TAFA2: variants seen among roughly 807,000 people sequenced by gnomAD.
TAFA2 encodes TAFA chemokine like family member 2.
A neutral mutation model predicts 18.8 loss-of-function variants in TAFA2; 7 were observed. That is an observed-to-expected ratio of 0.37 (90% CI 0.21 to 0.70). The LOEUF is 0.70. TAFA2 is among the 30% of genes least tolerant of loss of function. TAFA2 has a pLI of 0.53. For missense variants in TAFA2, 122 were observed against 158.1 expected, an observed-to-expected ratio of 0.77 and a Z score of 1.23; for synonymous variants, 60 against 54.2, an observed-to-expected ratio of 1.11 and a Z score of -0.47.
intron 1 of TAFA2, among the ~76,000 whole-genome samples, chr12:61,919,902 G>A (rs1876981270): frequency 1.3e-5 from 2 of 151,906 alleles, no homozygotes; most frequent in Admixed American, 1.3e-4. Context: ...CCTAATTCAG[G>A]CAAATGCATT....
intron 1 of TAFA2, among the ~76,000 whole-genome samples, chr12:61,969,319 A>G (rs1879167701): frequency 6.6e-6 from 1 of 151,760 alleles, no homozygotes; most frequent in Non-Finnish European, 1.5e-5. Flanking sequence ...GAAGACTATT[A>G]TTCATTAGTG....
intron 1 of TAFA2, among the ~76,000 whole-genome samples, chr12:62,176,379 C>A (rs1338111299): frequency 1.3e-5 from 2 of 152,104 alleles, no homozygotes; most frequent in Non-Finnish European, 2.9e-5. Context: ...GAGTTCTGCA[C>A]CAGAACTGCT....
chr12:62,087,406 G>A (rs776053183), intron 1 of TAFA2, among the ~76,000 whole-genome samples: 2 of 152,146 alleles, frequency 1.3e-5, no homozygotes, highest in Non-Finnish European at 2.9e-5. Context: ...ACTGGAAGAA[G>A]CCCGAAAACT....
chr12:61,729,391 C>G (rs552999572), intron 4 of TAFA2, among the ~76,000 whole-genome samples: 81 of 151,872 alleles, frequency 5.3e-4, no homozygotes, highest in South Asian at 3.5e-3. Flanking sequence ...AACATAATCT[C>G]AAACTTCTTG....
At chr12:61,849,241 C>T (rs1423914535) in intron 2 of TAFA2, among the ~76,000 whole-genome samples, 1 of 152,190 alleles carries the variant, frequency 6.6e-6, no homozygotes. Flanking sequence ...TCCTATTTTA[C>T]AGATAAACTA....
intron 1 of TAFA2, among the ~76,000 whole-genome samples, chr12:61,994,959 T>C (rs972529494): frequency 2.0e-5 from 3 of 152,170 alleles, no homozygotes; most frequent in Non-Finnish European, 4.4e-5. Flanking sequence ...ACCATCCTTT[T>C]TACTAGCCTA....
chr12:61,879,626 T>G (rs2121266026), intron 1 of TAFA2: 1 of 823,600 alleles, frequency 1.2e-6, no homozygotes, highest in Non-Finnish European at 2.1e-6. Context: ...TCAAAACAAG[T>G]TTGCCTCCTT....
intron 1 of TAFA2, among the ~76,000 whole-genome samples, chr12:62,103,925 C>T (rs1192441429): frequency 1.3e-5 from 2 of 152,132 alleles, no homozygotes; most frequent in African/African-American, 2.4e-5. Flanking sequence ...AAACTCCATC[C>T]TCCTCTAACC....
intron 2 of TAFA2, among the ~76,000 whole-genome samples, chr12:61,773,231 C>A (rs1167722575): frequency 6.6e-6 from 1 of 151,892 alleles, no homozygotes; most frequent in African/African-American, 2.4e-5. Flanking sequence ...GAGAACATAT[C>A]CCATGCTCAT....
At chr12:61,735,408 A>T (rs1868288295) in intron 4 of TAFA2, among the ~76,000 whole-genome samples, 1 of 152,106 alleles carries the variant, frequency 6.6e-6, no homozygotes, top group African/African-American at 2.4e-5. Context: ...TAATTGACAC[A>T]TAATAATTGT....
At chr12:62,218,320 A>T (rs1002233981) in intron 1 of TAFA2, among the ~76,000 whole-genome samples, 1 of 152,070 alleles carries the variant, frequency 6.6e-6, no homozygotes, top group Non-Finnish European at 1.5e-5. Flanking sequence ...GTAAAGAAAA[A>T]ACAGTGGAAG....
chr12:61,983,600 G>A (rs991442446), intron 1 of TAFA2, among the ~76,000 whole-genome samples: 1 of 152,042 alleles, frequency 6.6e-6, no homozygotes, highest in Non-Finnish European at 1.5e-5. Flanking sequence ...TACAGACGGG[G>A]TTTCACTGTG....
intron 1 of TAFA2, among the ~76,000 whole-genome samples, chr12:62,256,758 C>G (rs2062941079): frequency 6.6e-6 from 1 of 152,136 alleles, no homozygotes; most frequent in African/African-American, 2.4e-5. Context: ...AAAAGTGCCT[C>G]GTGGCACTTA....
intron 1 of TAFA2, among the ~76,000 whole-genome samples, chr12:62,165,935 TCTCTCACACA>T (rs2062435757): frequency 8.3e-6 from 1 of 120,312 alleles, no homozygotes; most frequent in African/African-American, 3.3e-5. Flanking sequence ...TCTCTCTCTC[TCTCTCACACA>T]CACACACACA....
chr12:62,219,384 G>T (rs2062751015), intron 1 of TAFA2, among the ~76,000 whole-genome samples: 1 of 152,108 alleles, frequency 6.6e-6, no homozygotes, highest in Non-Finnish European at 1.5e-5. Context: ...GCAAAGCATT[G>T]GCAGATACAG....
chr12:61,753,315 C>G (rs532456148), intron 4 of TAFA2, among the ~76,000 whole-genome samples: 24 of 152,132 alleles, frequency 1.6e-4, no homozygotes, highest in Non-Finnish European at 3.4e-4. Flanking sequence ...GGGTCACCCT[C>G]CCAGAATTTA....
chr12:61,902,136 C>G (rs144231154), intron 1 of TAFA2, among the ~76,000 whole-genome samples: 117 of 143,994 alleles, frequency 8.1e-4, no homozygotes, highest in Non-Finnish European at 1.5e-3. Flanking sequence ...TGGTATGGTA[C>G]TATAGGAATC....
chr12:61,877,924 T>TATATACAC (rs1874933688), intron 1 of TAFA2, among the ~76,000 whole-genome samples: 1 of 146,976 alleles, frequency 6.8e-6, no homozygotes, highest in African/African-American at 2.5e-5. Context: ...TATATATATA[T>TATATACAC]ACACACACAC....
At chr12:62,088,487 T>C (rs1868553941) in intron 1 of TAFA2, among the ~76,000 whole-genome samples, 1 of 151,792 alleles carries the variant, frequency 6.6e-6, no homozygotes, top group Admixed American at 6.6e-5. Context: ...AACCGGGTCT[T>C]TGGTCTGCTA....
Sources: gnomAD v4.1 joint callset for allele counts (sites outside exome capture counted in the v4.1 genomes callset) on GRCh38, gnomAD v4.1.1 for gene constraint, MANE v1.5 for transcripts, NCBI Gene and HGNC (gene_info 2026-07-23, HGNC 2026-07-21) for gene names.